Variants in CASZ1 observed in about 807,000 individuals in gnomAD.
CASZ1 encodes the protein zinc finger protein castor homolog 1.
CASZ1 carries 28 observed loss-of-function variants against 135.2 expected under a neutral mutation model. That is an observed-to-expected ratio of 0.21 (90% CI 0.15 to 0.28). The LOEUF (loss-of-function observed/expected upper bound fraction) is 0.28, where lower values mean the gene tolerates loss of function less well. Ranked by LOEUF, CASZ1 falls within the 10% of genes least tolerant of loss-of-function variation. The pLI is 1.00. For synonymous variants in CASZ1, 1,068 were observed against 1,073.4 expected (o/e 0.99, Z 0.10); for missense variants, 2,161 against 2,453.3 (o/e 0.88, Z 2.52).
intron 11 of CASZ1, 85 bp downstream of exon 11, chr1:10,653,292 C>G (rs769928914): frequency 5.2e-6 from 7 of 1,358,952 alleles, no homozygotes; most frequent in Non-Finnish European, 7.4e-6. Context: ...CCAAACACCC[C>G]CCGACTCTGC....
At chr1:10,793,509 T>C (rs981517731) in intron 1 of CASZ1, among the ~76,000 whole-genome samples, 1 of 152,160 alleles carries the variant, frequency 6.6e-6, no homozygotes, top group African/African-American at 2.4e-5. Context: ...CTTTAAACGT[T>C]TTAGTGCATA....
intron 1 of CASZ1, among the ~76,000 whole-genome samples, chr1:10,768,521 T>G (rs1468835068): frequency 2.0e-5 from 3 of 152,068 alleles, no homozygotes; most frequent in South Asian, 2.1e-4. Flanking sequence ...CCTGGCCTAT[T>G]GTTCATTTTT....
chr1:10,645,941 C>T (rs995399366), intron 17 of CASZ1, among the ~76,000 whole-genome samples, 187 bp downstream of exon 17: 3 of 152,152 alleles, frequency 2.0e-5, no homozygotes, highest in African/African-American at 7.2e-5. Context: ...CAATCTGGAC[C>T]CCTGCCCAGG....
At position 10,665,206 on chromosome 1, in the gene CASZ1, C is replaced by G. The variant is rs1187058526; in HGVS notation, c.382G>C (p.Gly128Arg). The G allele has an allele frequency of 1.3e-6, 2 of 1,585,260 alleles. No homozygotes were observed. Among genetic ancestry groups the G allele is most frequent in the Non-Finnish European group, 1.7e-6 (2 of 1,163,216 alleles). Residue 128 changes from glycine (G) to arginine (R), a missense_variant, in exon 5 of 21, where the codon GGG becomes CGG. Transcript: ENST00000377022. ...PEGVYMVQPQ[G>R]CSDEEDHAEE... Reference sequence around the variant, plus strand: ...GCGTGGTCTTCCTCATCGCTGCACCCCTGGGGCTGCACCATGTAGACACCC... The same window carrying G: ...GCGTGGTCTTCCTCATCGCTGCACCGCTGGGGCTGCACCATGTAGACACCC...
intron 1 of CASZ1, among the ~76,000 whole-genome samples, chr1:10,787,174 C>T (rs1187056146): frequency 6.6e-6 from 1 of 152,184 alleles, no homozygotes; most frequent in Non-Finnish European, 1.5e-5. Context: ...AAACTGAGGC[C>T]CAGAAAGGTA....
chr1:10,650,198 G>A (rs284298), intron 13 of CASZ1: 40,214 of 152,128 alleles, frequency 0.26, 6,724 homozygotes, highest in African/African-American at 0.47. Context: ...GGGGAAAAAT[G>A]TATTTGAGAT....
rs1051767871 is a variant in CASZ1, at chr1:10,756,652, G to T, written c.-77+4049C>A. On this transcript the variant is annotated intron_variant, in intron 2 of 20. Transcript: ENST00000377022. The surrounding 1 kb of genome is among the most constrained non-coding windows in gnomAD (Gnocchi z 5.9). ...CCCAGGAGAGTGGAGCCTCATGTCA[G>T]AGGCACTGGGAAAAGGGAGACTGGC... Among the ~76,000 whole-genome samples, 1 of 152,246 alleles carries T rather than the reference G, an allele frequency of 6.6e-6. No homozygotes were observed. Among genetic ancestry groups the T allele is most frequent in the African/African-American group, 2.4e-5 (1 of 41,466 alleles).
Position 10,739,206 on chromosome 1 carries a change from G to A in CASZ1, c.-77+21495C>T, listed in dbSNP as rs1223517053. ...CCGGCGGCCAGTCCCCGGGCGTACA[G>A]CGTGCGGTGCAACCTGCAGCTGCGG... On this transcript the variant is annotated intron_variant, in intron 2 of 20. Coordinates refer to ENST00000377022, the MANE Select transcript of CASZ1 (RefSeq NM_001079843.3). The surrounding 1 kb of genome is among the most constrained non-coding windows in gnomAD (Gnocchi z 4.8). 1.3e-5 allele frequency among the ~76,000 whole-genome samples: 2 copies of A among 152,162 alleles called. No homozygotes were observed. Among genetic ancestry groups the A allele is most frequent in the African/African-American group, 4.8e-5 (2 of 41,432 alleles).
Position 10,699,148 on chromosome 1 carries a change from C to G in CASZ1, c.-23-5236G>C, listed in dbSNP as rs529916588. On this transcript the variant is annotated intron_variant, in intron 3 of 20. Transcript: ENST00000377022. This position sits in a 1 kb window ranked among gnomAD's most constrained non-coding sequence, Gnocchi z 4.6. The stretch of plus-strand genomic sequence containing the variant: ...CCATGAGGCCTGGCAGGGTACCAGC[C>G]TTCGGGGAGAAGAGCTGGGGATCGA... Among the ~76,000 whole-genome samples, 1 of 152,322 alleles carries G rather than the reference C, an allele frequency of 6.6e-6. No homozygotes were observed. Among genetic ancestry groups the G allele is most frequent in the Admixed American group, 6.5e-5 (1 of 15,306 alleles).
rs1216823850 is a variant in CASZ1, at chr1:10,707,077, A to G, written c.-76-1533T>C. Among the ~76,000 whole-genome samples the G allele has an allele frequency of 6.6e-6, 1 of 152,042 alleles. No homozygotes were observed. Among genetic ancestry groups the G allele is most frequent in the African/African-American group, 2.4e-5 (1 of 41,402 alleles). The stretch of plus-strand genomic sequence containing the variant: ...ATCAGAGCTCGAGTCCTGGCCGGTC[A>G]GCCCAGGGCCCTGGCTGGGGTGTCA... On this transcript the variant is annotated intron_variant, in intron 2 of 20. Coordinates refer to ENST00000377022, the MANE Select transcript of CASZ1 (RefSeq NM_001079843.3). This position sits in a 1 kb window ranked among gnomAD's most constrained non-coding sequence, Gnocchi z 5.0.
In CASZ1 at chr1:10,706,335, C is replaced by T. The variant is rs1330609613; in HGVS notation, c.-76-791G>A. Among the ~76,000 whole-genome samples the T allele has an allele frequency of 6.6e-6, 1 of 152,206 alleles. No individual in the cohort carries two copies. The highest frequency in any genetic ancestry group is 1.5e-5 in the Non-Finnish European group (1 of 68,018). On this transcript the variant is annotated intron_variant, in intron 2 of 20. Transcript: ENST00000377022. This position sits in a 1 kb window ranked among gnomAD's most constrained non-coding sequence, Gnocchi z 4.3. ...CGTGGAGAGAAAACACAGGGAGTCC[C>T]CCCGCCAGCCTGCTGGCCAGGCCCC...
At chr1:10,761,998 C>G (rs1216535900) in intron 1 of CASZ1, among the ~76,000 whole-genome samples, 1 of 152,196 alleles carries the variant, frequency 6.6e-6, no homozygotes. Context: ...CGGGCTGGGC[C>G]CTGCCTCCTT....
chr1:10,660,696 G>C (rs982902386), intron 5 of CASZ1, 160 bp from the exon 6 acceptor site: 2 of 587,246 alleles, frequency 3.4e-6, no homozygotes, highest in Admixed American at 3.3e-5. Flanking sequence ...TAGGTTTTAC[G>C]ACTCTTAAAT....
chr1:10,716,162 A>C (rs913935108), intron 2 of CASZ1, among the ~76,000 whole-genome samples: 682 of 46,144 alleles, frequency 0.015, no homozygotes, highest in Admixed American at 0.018. Context: ...CCAATCCACA[A>C]CCCACAGCAC....
intron 4 of CASZ1, among the ~76,000 whole-genome samples, chr1:10,669,967 G>C (rs1643352536): frequency 1.3e-5 from 2 of 152,226 alleles, no homozygotes; most frequent in African/African-American, 2.4e-5. Flanking sequence ...CAGTGGAAAC[G>C]GTGTTCAAGA....
At chr1:10,661,013 G>A (rs1034163748) in intron 5 of CASZ1, 1 of 194,120 alleles carries the variant, frequency 5.2e-6, no homozygotes. Context: ...GGCCGGGGTC[G>A]GGGTGGGCCT....
intron 4 of CASZ1, among the ~76,000 whole-genome samples, chr1:10,692,983 G>T (rs778790421): frequency 2.0e-5 from 3 of 152,146 alleles, no homozygotes; most frequent in Non-Finnish European, 2.9e-5. Flanking sequence ...GTCAAAATTT[G>T]GTTTCAATAG....
At position 10,676,245 on chromosome 1, in the gene CASZ1, C is replaced by T. The variant is rs967373890; in HGVS notation, c.17-10674G>A. Among the ~76,000 whole-genome samples the T allele has an allele frequency of 5.3e-5, 8 of 152,110 alleles. No individual in the cohort carries two copies. The highest frequency in any genetic ancestry group is 1.0e-4 in the Non-Finnish European group (7 of 67,990). On this transcript the variant is annotated intron_variant, in intron 4 of 20. Transcript: ENST00000377022. The surrounding 1 kb of genome is among the most constrained non-coding windows in gnomAD (Gnocchi z 4.5). ...CAAGGCCCTGCTGGACTGGCCCGGACCCCCGTCCCCCATGCTGCTTCTCAT... is the reference window on the plus strand; with the variant it reads ...CAAGGCCCTGCTGGACTGGCCCGGATCCCCGTCCCCCATGCTGCTTCTCAT...
rs369580355 is a variant in CASZ1, at chr1:10,755,610, G to T, written c.-77+5091C>A. 5.3e-5 allele frequency among the ~76,000 whole-genome samples: 8 copies of T among 152,100 alleles called. No individual in the cohort carries two copies. Among genetic ancestry groups the T allele is most frequent in the African/African-American group, 1.9e-4 (8 of 41,426 alleles). On this transcript the variant is annotated intron_variant, in intron 2 of 20. Transcript: ENST00000377022. This position sits in a 1 kb window ranked among gnomAD's most constrained non-coding sequence, Gnocchi z 4.3. The stretch of plus-strand genomic sequence containing the variant: ...CCCTGGGGCCCGTGCATGGCGAGAT[G>T]CGGGGTTTTCCTGCATCTGCTCCGA...
Sources: gnomAD v4.1 joint callset for allele counts (sites outside exome capture counted in the v4.1 genomes callset) on GRCh38, gnomAD v4.1.1 for gene constraint, Gnocchi (gnomAD v3.1) non-coding constraint, MANE v1.5 for transcripts, NCBI Gene and HGNC (gene_info 2026-07-23, HGNC 2026-07-21) for gene names.